Variants in SYCP2L observed in about 807,000 individuals in gnomAD.
SYCP2L encodes synaptonemal complex protein 2-like.
A neutral mutation model predicts 125.8 loss-of-function variants in SYCP2L; 98 were observed. That is an observed-to-expected ratio of 0.78 (90% CI 0.66 to 0.92). SYCP2L has a LOEUF of 0.92. Ranked by LOEUF, SYCP2L falls within the 40% of genes least tolerant of loss-of-function variation. The probability of loss-of-function intolerance (pLI) is 0.00; values close to 1 mark genes in which losing one functional copy is unlikely to be tolerated. For missense variants in SYCP2L, 842 were observed against 936.4 expected (o/e 0.90, Z 1.32); for synonymous variants, 317 against 325.4 (o/e 0.97, Z 0.28).
chr6:10,926,332 A>G lies in SYCP2L; in HGVS notation c.1219-7A>G, dbSNP rs771406470. ...ATTTCAAAGTTGACCTTTGTCTTGCATTTCAGATGTTGCCTGACCAGACGA... is the reference window on the plus strand; with the variant it reads ...ATTTCAAAGTTGACCTTTGTCTTGCGTTTCAGATGTTGCCTGACCAGACGA... On this transcript the variant is annotated splice_region_variant and splice_polypyrimidine_tract_variant and intron_variant, in intron 15 of 29. Coordinates refer to ENST00000283141, the MANE Select transcript of SYCP2L (RefSeq NM_001040274.3). 6.2e-7 allele frequency: 1 copy of G among 1,606,182 alleles called. No homozygotes were observed. The highest frequency in any genetic ancestry group is 2.2e-5 in the East Asian group (1 of 44,798).
intron 14 of SYCP2L, among the ~76,000 whole-genome samples, chr6:10,923,380 CTTTTTTTTTTTTTT>C (rs1226992236): frequency 2.2e-5 from 2 of 92,460 alleles, no homozygotes; most frequent in African/African-American, 4.5e-5. Context: ...GAAACACACA[CTTTTTTTTTTTTTT>C]TTTTTTTTTG....
Position 10,963,779 on chromosome 6 carries a change from C to A in SYCP2L, c.2415-3C>A. On this transcript the variant is annotated splice_region_variant and splice_polypyrimidine_tract_variant and intron_variant, in intron 28 of 29. Transcript: ENST00000283141. Reference sequence around the variant, plus strand: ...TAATAAGAGATGGACCAATTTCTTCCAGGTTCAATTCAACTCAGACTTCAT... The same window carrying A: ...TAATAAGAGATGGACCAATTTCTTCAAGGTTCAATTCAACTCAGACTTCAT... The A allele has an allele frequency of 6.2e-7, 1 of 1,613,592 alleles. No homozygotes were observed. Among genetic ancestry groups the A allele is most frequent in the Non-Finnish European group, 8.5e-7 (1 of 1,179,712 alleles).
chr6:10,945,179 A>G (rs1281382622), intron 23 of SYCP2L, among the ~76,000 whole-genome samples: 1 of 152,140 alleles, frequency 6.6e-6, no homozygotes, highest in Non-Finnish European at 1.5e-5. Context: ...ACCTTTTGAA[A>G]TTTTGAGATG....
At chr6:10,929,804 G>A (rs1780958877) in intron 18 of SYCP2L, 1 of 152,122 alleles carries the variant, frequency 6.6e-6, no homozygotes, top group Admixed American at 6.6e-5. Context: ...TAGCTGGGTG[G>A]TGGCATGCGC....
At chr6:10,957,214 A>G (rs1029066679) in intron 25 of SYCP2L, among the ~76,000 whole-genome samples, 3 of 152,220 alleles carry the variant, frequency 2.0e-5, no homozygotes, top group Non-Finnish European at 2.9e-5. Context: ...TAAAGTAACA[A>G]GTTCATATTA....
At chr6:10,898,228 C>T (rs1399973154) in intron 5 of SYCP2L, 113 bp downstream of exon 5, 1 of 811,430 alleles carries the variant, frequency 1.2e-6, no homozygotes. Context: ...TTAAAAGACT[C>T]ACATGGCTGG....
intron 14 of SYCP2L, among the ~76,000 whole-genome samples, chr6:10,921,631 T>C (rs1780800977): frequency 6.6e-6 from 1 of 152,180 alleles, no homozygotes; most frequent in Non-Finnish European, 1.5e-5. Context: ...TGATCAGTGA[T>C]GTTGAGGTTT....
intron 29 of SYCP2L, among the ~76,000 whole-genome samples, chr6:10,965,930 C>T (rs534302672): frequency 7.9e-5 from 12 of 152,178 alleles, no homozygotes; most frequent in Non-Finnish European, 1.2e-4. Flanking sequence ...CTGGCCAACA[C>T]GGTAAAACCT....
chr6:10,894,211 G>A lies in SYCP2L; in HGVS notation c.336+7G>A. The A allele has an allele frequency of 6.2e-7, 1 of 1,611,214 alleles. No homozygotes were observed. Among genetic ancestry groups the A allele is most frequent in the East Asian group, 2.2e-5 (1 of 44,832 alleles). On this transcript the variant is annotated splice_region_variant and intron_variant, in intron 4 of 29. Coordinates refer to ENST00000283141, the MANE Select transcript of SYCP2L (RefSeq NM_001040274.3). ...GCAGGGACTGATCCCAAAGATAAGT[G>A]TCCTATTTTAATTTTATATGGCTTT...
intron 29 of SYCP2L, 117 bp downstream of exon 29, chr6:10,963,960 C>T: frequency 1.6e-6 from 1 of 632,574 alleles, no homozygotes; most frequent in South Asian, 2.2e-5. Context: ...GGAACTTCTC[C>T]ATTTTTTTTT....
intron 29 of SYCP2L, among the ~76,000 whole-genome samples, chr6:10,965,199 C>T (rs1426620740): frequency 6.6e-6 from 1 of 151,956 alleles, no homozygotes; most frequent in Non-Finnish European, 1.5e-5. Context: ...AACCAGAAGG[C>T]GTTTGGTGTC....
At chr6:10,949,431 T>C (rs78211227) in intron 23 of SYCP2L, among the ~76,000 whole-genome samples, 4,095 of 152,262 alleles carry the variant, frequency 0.027, 145 homozygotes, top group East Asian at 0.2. Context: ...TTATTGCTAA[T>C]TTTTTGCAAC....
At chr6:10,948,017 CT>C (rs1402751432) in intron 23 of SYCP2L, among the ~76,000 whole-genome samples, 2 of 152,018 alleles carry the variant, frequency 1.3e-5, no homozygotes, top group Non-Finnish European at 2.9e-5. Context: ...AATGAATTTT[CT>C]CCTTTGGTTT....
At position 10,932,753 on chromosome 6, in the gene SYCP2L, C is replaced by CA. The variant is rs138600183; in HGVS notation, c.1683+1272dup. The stretch of plus-strand genomic sequence containing the variant: ...AAACACCAAAGAAATACCACAGCTT[C>CA]AAAAAAAATTTTTTTTTTGAGACGG... On this transcript the variant is annotated intron_variant, in intron 20 of 29. Coordinates refer to ENST00000283141, the MANE Select transcript of SYCP2L (RefSeq NM_001040274.3). 3.3e-5 allele frequency among the ~76,000 whole-genome samples: 5 copies of CA among 152,004 alleles called. No homozygotes were observed. The South Asian group carries it at 1.0e-3, about 32-fold the overall frequency.
At chr6:10,897,793 C>T (rs1780282584) in intron 4 of SYCP2L, among the ~76,000 whole-genome samples, 1 of 152,100 alleles carries the variant, frequency 6.6e-6, no homozygotes, top group Admixed American at 6.6e-5. Context: ...TTATTTTGTG[C>T]TGATCTCTGA....
intron 26 of SYCP2L, 89 bp from the exon 27 acceptor site, chr6:10,961,216 A>G (rs899042165): frequency 2.9e-6 from 3 of 1,021,124 alleles, no homozygotes; most frequent in Non-Finnish European, 4.5e-6. Flanking sequence ...AAGAGTCTGA[A>G]GTATCCTTGT....
At chr6:10,914,019 G>A (rs887212618) in intron 14 of SYCP2L, among the ~76,000 whole-genome samples, 3 of 152,078 alleles carry the variant, frequency 2.0e-5, no homozygotes, top group Admixed American at 2.0e-4. Context: ...TTTTAATAGA[G>A]ATGGGGTTTC....
At chr6:10,924,414 C>T (rs566750210) in intron 14 of SYCP2L, 82 bp from the exon 15 acceptor site, 229 of 1,147,130 alleles carry the variant, frequency 2.0e-4, no homozygotes, top group Non-Finnish European at 2.4e-4. Flanking sequence ...AATACCCTAG[C>T]GTAGTTATTT....
At chr6:10,889,394 C>T (rs1386184014) in intron 1 of SYCP2L, among the ~76,000 whole-genome samples, 1 of 152,158 alleles carries the variant, frequency 6.6e-6, no homozygotes, top group East Asian at 1.9e-4. Context: ...TATCCATCAC[C>T]TCAAATATTT....
Sources: allele counts gnomAD v4.1 joint callset (sites outside exome capture counted in the v4.1 genomes callset), GRCh38; gene constraint gnomAD v4.1.1; transcripts MANE v1.5; gene names NCBI Gene and HGNC (gene_info 2026-07-23, HGNC 2026-07-21).